PPP2R2B: variants seen among roughly 807,000 people sequenced by gnomAD.
The protein encoded by PPP2R2B is serine/threonine-protein phosphatase 2A 55 kDa regulatory subunit B beta isoform.
In PPP2R2B, 5 loss-of-function variants were observed where a neutral mutation model predicts 46.0. The ratio of observed to expected loss-of-function variants is 0.11; its 90% CI spans 0.06 to 0.23. PPP2R2B has a LOEUF of 0.23. Ranked by LOEUF, PPP2R2B falls within the 10% of genes least tolerant of loss-of-function variation. The pLI, the probability that PPP2R2B is intolerant of heterozygous loss-of-function variation, is 1.00. For synonymous variants in PPP2R2B, 215 were observed against 206.7 expected (o/e 1.04, Z -0.34); for missense variants, 367 against 575.0 (o/e 0.64, Z 3.70).
intron 2 of PPP2R2B, among the ~76,000 whole-genome samples, chr5:146,761,065 G>A (rs1197932169): frequency 6.6e-6 from 1 of 152,174 alleles, no homozygotes; most frequent in Non-Finnish European, 1.5e-5. Flanking sequence ...CACTGTTGGT[G>A]GGACTGTAAA....
chr5:146,763,042 C>G (rs1481824122), intron 2 of PPP2R2B, among the ~76,000 whole-genome samples: 1 of 152,192 alleles, frequency 6.6e-6, no homozygotes. Context: ...CTCTGTGAGC[C>G]TGTTTTGCTA....
chr5:146,685,702 G>T (rs1778451044), intron 5 of PPP2R2B, among the ~76,000 whole-genome samples: 2 of 152,170 alleles, frequency 1.3e-5, no homozygotes, highest in African/African-American at 2.4e-5. Flanking sequence ...TAACATCAGG[G>T]TCATTTTAAG....
At chr5:146,845,529 A>C (rs1024482574) in intron 2 of PPP2R2B, among the ~76,000 whole-genome samples, 67 of 150,058 alleles carry the variant, frequency 4.5e-4, no homozygotes, top group Non-Finnish European at 7.8e-4. Context: ...TTGGGATTAC[A>C]GGCGTGAGCC....
In PPP2R2B at chr5:146,878,596, C is replaced by A; in HGVS notation, c.-130G>T. On this transcript the variant is annotated 5_prime_UTR_variant, in exon 1 of 10. Coordinates refer to ENST00000394411, the MANE Select transcript of PPP2R2B (RefSeq NM_181675.4). The surrounding 1 kb of genome is among the most constrained non-coding windows in gnomAD (Gnocchi z 4.5). ...GGGACAGGATTCAGGCTTGCCTGGCCGGAATGAGGGTGCTGGTCCCACGGG... is the reference window on the plus strand; with the variant it reads ...GGGACAGGATTCAGGCTTGCCTGGCAGGAATGAGGGTGCTGGTCCCACGGG... The A allele has an allele frequency of 8.1e-7, 1 of 1,232,510 alleles. No individual in the cohort carries two copies. Among genetic ancestry groups the A allele is most frequent in the Admixed American group, 3.3e-5 (1 of 30,410 alleles). The allele number at this position is 1,232,510 out of a possible 1,614,324, so 76.3% of individuals were successfully genotyped here.
intron 9 of PPP2R2B, among the ~76,000 whole-genome samples, chr5:146,591,103 C>A (rs1017302132): frequency 1.3e-5 from 2 of 151,956 alleles, no homozygotes; most frequent in African/African-American, 2.4e-5. Context: ...ATTCCTTGGG[C>A]CAGGGCAAGT....
intron 1 of PPP2R2B, among the ~76,000 whole-genome samples, chr5:146,899,346 T>C (rs1266674488): frequency 1.3e-5 from 2 of 148,548 alleles, no homozygotes; most frequent in South Asian, 2.2e-4. Context: ...AAATTGGAAA[T>C]CATCATTCTC....
intron 2 of PPP2R2B, among the ~76,000 whole-genome samples, chr5:146,718,440 T>C (rs974244824): frequency 1.3e-5 from 2 of 152,068 alleles, no homozygotes; most frequent in African/African-American, 4.8e-5. Flanking sequence ...TGTAGCCTGA[T>C]CATTTGGATT....
intron 2 of PPP2R2B, among the ~76,000 whole-genome samples, chr5:146,811,834 T>A (rs920389664): frequency 5.9e-5 from 9 of 151,794 alleles, no homozygotes; most frequent in African/African-American, 1.9e-4. Context: ...CCCAAAGTGC[T>A]GGGATTACAG....
chr5:146,604,451 G>A (rs916370901), intron 7 of PPP2R2B, among the ~76,000 whole-genome samples: 1 of 152,132 alleles, frequency 6.6e-6, no homozygotes, highest in African/African-American at 2.4e-5. Context: ...CCAGAAAATA[G>A]AGACATTGAG....
chr5:146,939,647 A>G (rs1764260713), intron 1 of PPP2R2B, among the ~76,000 whole-genome samples: 1 of 152,228 alleles, frequency 6.6e-6, no homozygotes, highest in South Asian at 2.1e-4. Flanking sequence ...CTCCTGCTTC[A>G]TAGAGGAAAC....
At position 146,690,476 on chromosome 5, in the gene PPP2R2B, T is replaced by C. The variant is rs528399545; in HGVS notation, c.447+652A>G. ...AGTGCCATAATCATTTGTATATTAG[T>C]CTTACAAATCCTCTTTATCAGGCTA... On this transcript the variant is annotated intron_variant, in intron 5 of 9. Transcript: ENST00000394411. Among the ~76,000 whole-genome samples, 82 of 152,338 alleles carry C rather than the reference T, an allele frequency of 5.4e-4. 1 individual carries two copies. The highest frequency in any genetic ancestry group is 1.9e-3 in the South Asian group (9 of 4,818).
intron 2 of PPP2R2B, among the ~76,000 whole-genome samples, chr5:146,828,041 G>A (rs1174698820): frequency 6.6e-6 from 1 of 151,806 alleles, no homozygotes; most frequent in Non-Finnish European, 1.5e-5. Flanking sequence ...CAGAGACAGA[G>A]ACAGACAATC....
intron 1 of PPP2R2B, among the ~76,000 whole-genome samples, chr5:146,998,777 C>T (rs1341137312): frequency 1.3e-5 from 2 of 152,050 alleles, no homozygotes; most frequent in Admixed American, 6.6e-5. Flanking sequence ...CCACTTGCCC[C>T]TTCAGCCTTC....
At chr5:146,917,896 A>T (rs1358905999) in intron 1 of PPP2R2B, 1 of 152,198 alleles carries the variant, frequency 6.6e-6, no homozygotes, top group Non-Finnish European at 1.5e-5. Flanking sequence ...AGTGCCAAGC[A>T]ATCTGACATC....
Position 146,598,974 on chromosome 5 carries a change from T to G in PPP2R2B, c.960+1317A>C, listed in dbSNP as rs557223787. Among the ~76,000 whole-genome samples the G allele has an allele frequency of 1.4e-4, 22 of 152,302 alleles. No homozygotes were observed. The South Asian group carries it at 4.3e-3, about 30-fold the overall frequency. ...GTGCACTTTGAAAGGCTGATTATTA[T>G]GTACATTATATCTCAAGGAAAAAAT... On this transcript the variant is annotated intron_variant, in intron 8 of 9. Coordinates refer to ENST00000394411, the MANE Select transcript of PPP2R2B (RefSeq NM_181675.4).
At chr5:147,067,358 G>GTTCTATGTGCTTGA (rs1220822379) in intron 2 of PPP2R2B, among the ~76,000 whole-genome samples, 12 of 151,958 alleles carry the variant, frequency 7.9e-5, no homozygotes, top group Non-Finnish European at 1.8e-4. Flanking sequence ...CTACTCTCTG[G>GTTCTATGTGCTTGA]TTCTATGTGC....
intron 2 of PPP2R2B, among the ~76,000 whole-genome samples, chr5:146,849,979 TGAG>T (rs1253976580): frequency 6.6e-6 from 1 of 152,044 alleles, no homozygotes; most frequent in Non-Finnish European, 1.5e-5. Flanking sequence ...AAATAAGACC[TGAG>T]AACAGCCTTT....
chr5:146,843,682 A>G lies in PPP2R2B; in HGVS notation c.70+34320T>C, dbSNP rs560097664. Reference sequence around the variant, plus strand: ...GGGAATGGTTCTACTTGCTTCTTCTATCTTACAGAGTTATCATGACCCTGA... The same window carrying G: ...GGGAATGGTTCTACTTGCTTCTTCTGTCTTACAGAGTTATCATGACCCTGA... On this transcript the variant is annotated intron_variant, in intron 2 of 9. Transcript: ENST00000394411. Among the ~76,000 whole-genome samples, 25 of 152,320 alleles carry G rather than the reference A, an allele frequency of 1.6e-4. No homozygotes were observed. In the South Asian group the frequency reaches 3.7e-3, roughly 23 times the overall value.
At position 146,774,626 on chromosome 5, in the gene PPP2R2B, G is replaced by A. The variant is rs926211066; in HGVS notation, c.71-73484C>T. 2.6e-5 allele frequency among the ~76,000 whole-genome samples: 4 copies of A among 152,178 alleles called. No individual in the cohort carries two copies. In the East Asian group the frequency reaches 7.7e-4, roughly 29 times the overall value. ...GAGGTCTGGAGTTCGAGACCAGCCT[G>A]GCCAACACGGCAAAACCCCGTCTCT... On this transcript the variant is annotated intron_variant, in intron 2 of 9. Coordinates refer to ENST00000394411, the MANE Select transcript of PPP2R2B (RefSeq NM_181675.4).
Sources: allele counts gnomAD v4.1 joint callset (sites outside exome capture counted in the v4.1 genomes callset), GRCh38; gene constraint gnomAD v4.1.1; non-coding constraint Gnocchi (gnomAD v3.1); transcripts MANE v1.5; gene names NCBI Gene and HGNC (gene_info 2026-07-23, HGNC 2026-07-21).